The following ASB3 variants were observed in gnomAD, a reference collection of about 807,000 sequenced individuals.
The protein encoded by ASB3 is ankyrin repeat and SOCS box protein 3.
ASB3 carries 41 observed loss-of-function variants against 54.5 expected under a neutral mutation model. The ratio of observed to expected loss-of-function variants is 0.75; its 90% confidence interval spans 0.59 to 0.98. The LOEUF is 0.98. ASB3 is among the 50% of genes least tolerant of loss of function. ASB3 has a pLI of 0.00. For missense variants in ASB3, 733 were observed against 620.0 expected (o/e 1.18, Z -1.94); for synonymous variants, 266 against 221.2 (o/e 1.20, Z -1.80).
intron 2 of ASB3, among the ~76,000 whole-genome samples, chr2:53,755,602 T>C (rs1166647849): frequency 6.6e-6 from 1 of 152,228 alleles, no homozygotes; most frequent in Non-Finnish European, 1.5e-5. Context: ...CTATGTTTTA[T>C]TTAGGTATTA....
At chr2:53,711,512 G>A (rs151129176) in intron 7 of ASB3, among the ~76,000 whole-genome samples, 203 of 152,212 alleles carry the variant, frequency 1.3e-3, no homozygotes, top group African/African-American at 4.8e-3. Context: ...GGCCAGGCGC[G>A]GTGACTCATG....
intron 7 of ASB3, among the ~76,000 whole-genome samples, chr2:53,711,709 G>A (rs1227591178): frequency 2.0e-5 from 3 of 152,094 alleles, no homozygotes; most frequent in African/African-American, 7.2e-5. Flanking sequence ...GGGAGATGGA[G>A]GTTGCAGTAA....
chr2:53,768,840 A>G (rs547853127), intron 1 of ASB3, among the ~76,000 whole-genome samples: 2 of 152,360 alleles, frequency 1.3e-5, no homozygotes, highest in African/African-American at 4.8e-5. Context: ...ACTGGCTACA[A>G]AACAACTAAT....
intron 6 of ASB3, among the ~76,000 whole-genome samples, chr2:53,715,682 T>C (rs1670347036): frequency 6.6e-6 from 1 of 152,132 alleles, no homozygotes; most frequent in South Asian, 2.1e-4. Context: ...TGTGTTTAAT[T>C]TTTTTAAGTA....
At chr2:53,771,860 T>C in intron 1 of ASB3, 1 of 1,116,838 alleles carries the variant, frequency 9.0e-7, no homozygotes, top group Non-Finnish European at 1.3e-6. Flanking sequence ...AGCTACTTAA[T>C]GAACTTTATT....
intron 7 of ASB3, among the ~76,000 whole-genome samples, chr2:53,704,732 A>C (rs919275419): frequency 6.6e-6 from 1 of 152,220 alleles, no homozygotes; most frequent in African/African-American, 2.4e-5. Context: ...TTAGATAATA[A>C]AAATGTGGTA....
chr2:53,768,229 T>A, intron 1 of ASB3: 1 of 567,238 alleles, frequency 1.8e-6, no homozygotes, highest in Non-Finnish European at 3.0e-6. Flanking sequence ...CTGCTTAAGA[T>A]GCCGGTGGTT....
intron 2 of ASB3, among the ~76,000 whole-genome samples, chr2:53,757,854 A>G (rs1672922263): frequency 1.3e-5 from 2 of 152,160 alleles, no homozygotes; most frequent in Admixed American, 6.5e-5. Context: ...CCTGATTTTT[A>G]CCCAGCTTAT....
chr2:53,761,644 C>T (rs1254583585), intron 2 of ASB3, among the ~76,000 whole-genome samples: 1 of 152,178 alleles, frequency 6.6e-6, no homozygotes, highest in African/African-American at 2.4e-5. Context: ...GTGAGTTACA[C>T]CACCAGCTTT....
intron 9 of ASB3, among the ~76,000 whole-genome samples, chr2:53,686,039 G>A (rs1020358098): frequency 1.3e-5 from 2 of 152,176 alleles, no homozygotes; most frequent in Non-Finnish European, 2.9e-5. Flanking sequence ...AGGTTCTGGT[G>A]CTACCTTTAC....
intron 1 of ASB3, chr2:53,771,916 G>GT (rs781075919): frequency 6.4e-7 from 1 of 1,567,330 alleles, no homozygotes; most frequent in African/African-American, 1.4e-5. Flanking sequence ...GCCTGGAAGA[G>GT]TTGTGACTCT....
chr2:53,698,150 C>T (rs1436045499), intron 8 of ASB3, among the ~76,000 whole-genome samples: 1 of 152,134 alleles, frequency 6.6e-6, no homozygotes, highest in African/African-American at 2.4e-5. Flanking sequence ...GAATCCATGC[C>T]CCCACAGCTC....
At chr2:53,725,309 A>T (rs1250349367) in intron 5 of ASB3, among the ~76,000 whole-genome samples, 2 of 152,242 alleles carry the variant, frequency 1.3e-5, no homozygotes, top group African/African-American at 2.4e-5. Context: ...GAACAGGGCA[A>T]GGGCTGAAAA....
intron 3 of ASB3, among the ~76,000 whole-genome samples, chr2:53,739,778 C>A (rs771426295): frequency 5.9e-5 from 9 of 152,146 alleles, no homozygotes; most frequent in Admixed American, 3.3e-4. Flanking sequence ...TGGGCTCAAG[C>A]GATGCTCCCA....
intron 3 of ASB3, among the ~76,000 whole-genome samples, chr2:53,732,608 A>G (rs926325916): frequency 2.6e-5 from 4 of 152,102 alleles, no homozygotes; most frequent in African/African-American, 9.7e-5. Context: ...TGACAGAAAA[A>G]TTTTCATTTT....
At chr2:53,767,150 A>C (rs999401007) in intron 1 of ASB3, 5 of 152,074 alleles carry the variant, frequency 3.3e-5, no homozygotes, top group Non-Finnish European at 1.5e-5. Flanking sequence ...AAGCCTTTAC[A>C]GGGGCCCCAA....
intron 9 of ASB3, among the ~76,000 whole-genome samples, chr2:53,671,018 T>C (rs1056440543): frequency 2.0e-5 from 3 of 152,184 alleles, no homozygotes; most frequent in East Asian, 1.9e-4. Context: ...AAGCTCACAA[T>C]AGCAAATGCT....
At chr2:53,769,965 T>C (rs1450692711) in intron 1 of ASB3, among the ~76,000 whole-genome samples, 1 of 152,236 alleles carries the variant, frequency 6.6e-6, no homozygotes, top group African/African-American at 2.4e-5. Flanking sequence ...TTAGTTTGCA[T>C]TCTAGAATGA....
intron 7 of ASB3, among the ~76,000 whole-genome samples, chr2:53,701,258 C>G (rs1669477966): frequency 6.6e-6 from 1 of 152,022 alleles, no homozygotes; most frequent in Admixed American, 6.5e-5. Flanking sequence ...CCGTGACTGG[C>G]CTTACATTTA....
Sources: allele counts gnomAD v4.1 joint callset (sites outside exome capture counted in the v4.1 genomes callset), GRCh38; gene constraint gnomAD v4.1.1; transcripts MANE v1.5; gene names NCBI Gene and HGNC (gene_info 2026-07-23, HGNC 2026-07-21).